AFAP1: variants seen among roughly 807,000 people sequenced by gnomAD.
AFAP1 encodes the protein actin filament associated protein 1.
A neutral mutation model predicts 93.9 loss-of-function variants in AFAP1; 75 were observed. That is an observed-to-expected ratio of 0.80 (90% confidence interval 0.66 to 0.97). AFAP1 has a LOEUF of 0.97. Ranked by LOEUF, AFAP1 falls within the 50% of genes least tolerant of loss-of-function variation. AFAP1 has a pLI of 0.00. For missense variants in AFAP1, 1,201 were observed against 1,050.8 expected (o/e 1.14, Z -1.98); for synonymous variants, 517 against 430.7 (o/e 1.20, Z -2.48).
chr4:7,867,897 C>T (rs918214356), intron 3 of AFAP1, among the ~76,000 whole-genome samples: 47 of 152,186 alleles, frequency 3.1e-4, no homozygotes, highest in Admixed American at 1.3e-4. Flanking sequence ...GCCTTCCCAC[C>T]GTTCGTATCC....
intron 6 of AFAP1, among the ~76,000 whole-genome samples, chr4:7,828,062 G>C (rs1487789727): frequency 6.6e-6 from 1 of 152,204 alleles, no homozygotes; most frequent in Non-Finnish European, 1.5e-5. Context: ...TAAAGACGTG[G>C]CTTCAAATGT....
chr4:7,816,000 G>T lies in AFAP1; in HGVS notation c.904+18C>A. On this transcript the variant is annotated intron_variant, in intron 8 of 17. Transcript: ENST00000420658. Reference sequence around the variant, plus strand: ...TTTTTTTTAGTGTATATATGTTTTTGGCACAAGCAGAACTCACCTTGCTCC... The same window carrying T: ...TTTTTTTTAGTGTATATATGTTTTTTGCACAAGCAGAACTCACCTTGCTCC... 1 of 1,581,954 alleles carries T rather than the reference G, an allele frequency of 6.3e-7. No individual in the cohort carries two copies. The highest frequency in any genetic ancestry group is 8.6e-7 in the Non-Finnish European group (1 of 1,163,056).
chr4:7,865,885 T>A (rs1437855014), intron 3 of AFAP1, among the ~76,000 whole-genome samples: 1 of 152,194 alleles, frequency 6.6e-6, no homozygotes, highest in Non-Finnish European at 1.5e-5. Flanking sequence ...TTTGGTTCTG[T>A]GGTCTTGTTT....
Position 7,773,033 on chromosome 4 carries a change from T to C in AFAP1, c.2063-23A>G, listed in dbSNP as rs767667637. ...TGCCTGGAATTCCCAGAAACGCCGT[T>C]ACTCCCGCGGCAGGCACAGGTTCTC... On this transcript the variant is annotated intron_variant, in intron 15 of 17. Transcript: ENST00000420658. 5.2e-5 allele frequency: 83 copies of C among 1,600,084 alleles called. No homozygotes were observed. In the South Asian group the frequency reaches 6.4e-4, roughly 12 times the overall value.
chr4:7,773,138 T>C, intron 15 of AFAP1, 128 bp from the exon 16 acceptor site: 1 of 1,396,404 alleles, frequency 7.2e-7, no homozygotes, highest in Non-Finnish European at 9.4e-7. Context: ...ACTTAGGTCC[T>C]CGTTGTGAAA....
intron 13 of AFAP1, 25 bp downstream of exon 13, chr4:7,781,351 A>C: frequency 6.5e-7 from 1 of 1,549,618 alleles, no homozygotes; most frequent in Non-Finnish European, 8.7e-7. Flanking sequence ...GTGGTTCTAG[A>C]ATCTTACAGA....
At chr4:7,889,134 A>T (rs1037699406) in intron 1 of AFAP1, among the ~76,000 whole-genome samples, 6 of 152,346 alleles carry the variant, frequency 3.9e-5, no homozygotes, top group Middle Eastern at 3.4e-3. Context: ...ATATCCAAAA[A>T]GGATAACACA....
At chr4:7,858,260 T>C (rs1715291963) in intron 3 of AFAP1, among the ~76,000 whole-genome samples, 1 of 152,248 alleles carries the variant, frequency 6.6e-6, no homozygotes, top group Admixed American at 6.5e-5. Context: ...AAAGTGTTCA[T>C]AGCGGTTGTC....
chr4:7,916,914 T>C (rs968263874), intron 1 of AFAP1, among the ~76,000 whole-genome samples: 3 of 152,196 alleles, frequency 2.0e-5, no homozygotes, highest in Non-Finnish European at 4.4e-5. Context: ...GCTCCCGGAC[T>C]GTACCAGACA....
chr4:7,868,625 C>G lies in AFAP1; in HGVS notation c.222G>C (p.Trp74Cys). 7.4e-6 allele frequency: 12 copies of G among 1,611,388 alleles called. No individual in the cohort carries two copies. Among genetic ancestry groups the G allele is most frequent in the Non-Finnish European group, 1.0e-5 (12 of 1,179,592 alleles). The change falls in exon 3 of 18, where the codon TGG becomes TGC. Residue 74 changes from tryptophan to cysteine, a missense_variant. Physicochemically the swap from Trp to Cys is radical, Grantham distance 215 (BLOSUM62 -2). Coordinates refer to ENST00000420658, the MANE Select transcript of AFAP1 (RefSeq NM_001134647.2). ...QMPLPEIPQPWLPPDSGPPPL... is the reference protein window; with the variant it reads ...QMPLPEIPQPCLPPDSGPPPL... ...AGATGGTGGGACCTTGACTCACCAG[C>G]CAGGGCTGAGGGATCTCCGGCAGGG...
At chr4:7,778,068 G>C (rs1716335468) in intron 14 of AFAP1, 1 of 153,318 alleles carries the variant, frequency 6.5e-6, no homozygotes, top group African/African-American at 2.4e-5. Context: ...TCTATTTCCG[G>C]CTGGATGTGG....
At chr4:7,863,951 A>AACTTCCCACCACAACACC (rs1560207681) in intron 3 of AFAP1, among the ~76,000 whole-genome samples, 2 of 84,282 alleles carry the variant, frequency 2.4e-5, no homozygotes, top group African/African-American at 4.7e-5. Context: ...TTCACAACCC[A>AACTTCCCACCACAACACC]TTCCCAACTT....
intron 16 of AFAP1, chr4:7,772,419 T>G (rs1715565270): frequency 6.1e-6 from 1 of 164,224 alleles, no homozygotes; most frequent in Non-Finnish European, 1.3e-5. Flanking sequence ...GGACACAGAC[T>G]GCTTCATTCA....
At chr4:7,767,380 T>C (rs965827819) in intron 17 of AFAP1, among the ~76,000 whole-genome samples, 7 of 152,178 alleles carry the variant, frequency 4.6e-5, no homozygotes, top group African/African-American at 1.7e-4. Flanking sequence ...TCCAATTTCT[T>C]TGATGATAAA....
intron 3 of AFAP1, among the ~76,000 whole-genome samples, chr4:7,855,855 C>T (rs536126841): frequency 2.6e-5 from 4 of 152,346 alleles, no homozygotes; most frequent in East Asian, 1.9e-4. Flanking sequence ...ATCCACGACA[C>T]AGAATGCCCC....
intron 10 of AFAP1, among the ~76,000 whole-genome samples, chr4:7,799,996 T>C (rs1718867729): frequency 6.6e-6 from 1 of 152,132 alleles, no homozygotes; most frequent in South Asian, 2.1e-4. Context: ...CTTCCATCTG[T>C]AAAGAAGTCC....
chr4:7,808,360 C>A (rs1386607367), intron 9 of AFAP1, among the ~76,000 whole-genome samples: 1 of 152,144 alleles, frequency 6.6e-6, no homozygotes, highest in Admixed American at 6.5e-5. Flanking sequence ...CCTCTCACGG[C>A]CTCTTGGGTT....
At chr4:7,879,410 C>T (rs1262499528) in intron 1 of AFAP1, among the ~76,000 whole-genome samples, 1 of 152,182 alleles carries the variant, frequency 6.6e-6, no homozygotes, top group Admixed American at 6.5e-5. Context: ...CTCCTCTGTT[C>T]GACACCCCAG....
chr4:7,936,845 T>C (rs185859111), intron 1 of AFAP1, among the ~76,000 whole-genome samples: 107 of 152,168 alleles, frequency 7.0e-4, no homozygotes, highest in African/African-American at 2.5e-3. Context: ...CCTCCCAAAG[T>C]GTTGGGATTA....
Sources: allele counts gnomAD v4.1 joint callset (sites outside exome capture counted in the v4.1 genomes callset), GRCh38; gene constraint gnomAD v4.1.1; transcripts MANE v1.5; gene names NCBI Gene and HGNC (gene_info 2026-07-23, HGNC 2026-07-21).